CDCA7L: variants seen among roughly 807,000 people sequenced by gnomAD.
CDCA7L encodes the protein cell division cycle associated 7 like, also known as cell division cycle-associated 7-like protein.
In CDCA7L, 44 loss-of-function variants were observed where a neutral mutation model predicts 57.4. The observed-to-expected ratio is 0.77, with a 90% CI of 0.60 to 0.98. CDCA7L has a LOEUF of 0.98. Ranked by LOEUF, CDCA7L falls within the 50% of genes least tolerant of loss-of-function variation. CDCA7L has a pLI of 0.00. For missense variants in CDCA7L, 644 were observed against 580.6 expected (o/e 1.11, Z -1.12); for synonymous variants, 236 against 202.8 (o/e 1.16, Z -1.39).
rs762583196 is a variant in CDCA7L, at chr7:21,945,809, C to A, written c.-5G>T. On this transcript the variant is annotated 5_prime_UTR_variant, in exon 1 of 10. Coordinates refer to ENST00000406877, the MANE Select transcript of CDCA7L (RefSeq NM_018719.5). ...GTAGCGAGTCGCCAACTCCATTCTT[C>A]CTAACCGGGCTCCAGTCTCCTCCCA... 6.3e-6 allele frequency: 10 copies of A among 1,598,862 alleles called. No individual in the cohort carries two copies. The African/African-American group carries it at 9.6e-5, about 15-fold the overall frequency.
In CDCA7L at chr7:21,945,852, C is replaced by A. The variant is rs773780773; in HGVS notation, c.-48G>T. ...TCCTCCCAGCACGCGGCCACGGGAG[C>A]CCGGACTCACCACGGCCCGGCGCAC... On this transcript the variant is annotated 5_prime_UTR_variant, in exon 1 of 10. Transcript: ENST00000406877. The A allele has an allele frequency of 1.7e-5, 27 of 1,572,820 alleles. No individual in the cohort carries two copies. The highest frequency in any genetic ancestry group is 2.2e-5 in the Non-Finnish European group (25 of 1,161,702).
intron 3 of CDCA7L, among the ~76,000 whole-genome samples, chr7:21,910,697 G>A (rs1202687825): frequency 6.6e-6 from 1 of 152,164 alleles, no homozygotes; most frequent in Non-Finnish European, 1.5e-5. Context: ...AAACACGAGT[G>A]GGCAGTAAAC....
intron 1 of CDCA7L, among the ~76,000 whole-genome samples, chr7:21,936,013 GAATAAATA>G (rs56010183): frequency 6.6e-6 from 1 of 151,366 alleles, no homozygotes; most frequent in African/African-American, 2.4e-5. Flanking sequence ...GTCTCAAAAT[GAATAAATA>G]AATAAATAAA....
At chr7:21,905,266 T>C (rs763536068) in intron 7 of CDCA7L, among the ~76,000 whole-genome samples, 2 of 152,164 alleles carry the variant, frequency 1.3e-5, no homozygotes, top group Non-Finnish European at 2.9e-5. Flanking sequence ...TTTTAAACTA[T>C]ACCGTTCCCT....
rs180747357 is a variant in CDCA7L, at chr7:21,937,374, C to A, written c.24+8407G>T. On this transcript the variant is annotated intron_variant, in intron 1 of 9. Transcript: ENST00000406877. ...AACAGACCAGGCGCAGTGGCTCACA[C>A]CTGAAATCCTAGCACTTTGGGAGGC... is the stretch of plus-strand genomic sequence containing the variant. Among the ~76,000 whole-genome samples, 220 of 152,292 alleles carry A rather than the reference C, an allele frequency of 1.4e-3. 1 individual carries two copies. The highest frequency in any genetic ancestry group is 2.9e-3 in the Admixed American group (45 of 15,306).
Position 21,933,767 on chromosome 7 carries a change from G to A in CDCA7L, c.24+12014C>T, listed in dbSNP as rs113719327. 1.7e-3 allele frequency among the ~76,000 whole-genome samples: 252 copies of A among 151,590 alleles called. 2 individuals carry two copies. The highest frequency in any genetic ancestry group is 5.9e-3 in the African/African-American group (243 of 41,296). ...GTATACCTATGTAACAAACCTGCACGTTCTGCACATGCATCCCAGAACTTA... is the reference window on the plus strand; with the variant it reads ...GTATACCTATGTAACAAACCTGCACATTCTGCACATGCATCCCAGAACTTA... On this transcript the variant is annotated intron_variant, in intron 1 of 9. Coordinates refer to ENST00000406877, the MANE Select transcript of CDCA7L (RefSeq NM_018719.5).
chr7:21,920,489 C>G (rs377465707), intron 1 of CDCA7L, among the ~76,000 whole-genome samples: 5 of 152,282 alleles, frequency 3.3e-5, no homozygotes, highest in East Asian at 3.9e-4. Context: ...AACATAAATA[C>G]AGAAATGGGA....
At chr7:21,931,192 A>G (rs1785997997) in intron 1 of CDCA7L, among the ~76,000 whole-genome samples, 1 of 152,234 alleles carries the variant, frequency 6.6e-6, no homozygotes, top group African/African-American at 2.4e-5. Context: ...AAATTCTACC[A>G]GAGGTACAAA....
At chr7:21,920,236 C>G (rs1785609206) in intron 1 of CDCA7L, among the ~76,000 whole-genome samples, 1 of 152,088 alleles carries the variant, frequency 6.6e-6, no homozygotes, top group African/African-American at 2.4e-5. Flanking sequence ...CCTCATGGAC[C>G]CGTGAAAGGG....
Position 21,905,579 on chromosome 7 carries a change from A to G in CDCA7L, c.974T>C (p.Val325Ala). Residue 325 changes from valine (V) to alanine (A), a missense_variant, in exon 7 of 10, where the codon GTG becomes GCG. Val to Ala is a moderately conservative substitution (Grantham distance 64, BLOSUM62 0). Transcript: ENST00000406877. ...TAAGTCCTCTTCGGTGATATCCTCC[A>G]CTGGCCGAAAAGAAGATATACGGTG... ...RRHRISSFRP[V>A]EDITEEDLEN... 1.2e-6 allele frequency: 2 copies of G among 1,614,082 alleles called. No homozygotes were observed. The highest frequency in any genetic ancestry group is 1.7e-6 in the Non-Finnish European group (2 of 1,179,974).
In CDCA7L at chr7:21,908,095, T is replaced by C. The variant is rs558462313; in HGVS notation, c.681+35A>G. ...CCCAGCAACTGCTGCCAGAGCCTGGTGCCAACTCCCAGGACGCCCTCCGTG... is the reference window on the plus strand; with the variant it reads ...CCCAGCAACTGCTGCCAGAGCCTGGCGCCAACTCCCAGGACGCCCTCCGTG... On this transcript the variant is annotated intron_variant, in intron 4 of 9. Coordinates refer to ENST00000406877, the MANE Select transcript of CDCA7L (RefSeq NM_018719.5). 5.1e-5 allele frequency: 76 copies of C among 1,492,700 alleles called. No individual in the cohort carries two copies. The South Asian group carries it at 1.0e-3, about 20-fold the overall frequency. The allele number at this position is 1,492,700 out of a possible 1,614,324, so 92.5% of individuals were successfully genotyped here.
intron 1 of CDCA7L, among the ~76,000 whole-genome samples, chr7:21,929,355 CAAATTAT>C (rs1785925001): frequency 6.6e-6 from 1 of 152,004 alleles, no homozygotes; most frequent in Admixed American, 6.6e-5. Flanking sequence ...AAAAACATAC[CAAATTAT>C]AAACACCACT....
intron 2 of CDCA7L, among the ~76,000 whole-genome samples, chr7:21,916,193 G>C (rs1785475638): frequency 6.6e-6 from 1 of 152,056 alleles, no homozygotes. Context: ...GCCACTGAAG[G>C]GTAGAGATTT....
intron 1 of CDCA7L, among the ~76,000 whole-genome samples, chr7:21,929,019 T>G (rs752243540): frequency 1.3e-5 from 2 of 151,608 alleles, no homozygotes; most frequent in Non-Finnish European, 1.5e-5. Context: ...TTCAGCAAGA[T>G]TGAAATGAAG....
chr7:21,939,666 G>A (rs778934921), intron 1 of CDCA7L, among the ~76,000 whole-genome samples: 5 of 152,292 alleles, frequency 3.3e-5, no homozygotes, highest in Non-Finnish European at 5.9e-5. Flanking sequence ...TGCAACTGAC[G>A]TTTTGGACAG....
intron 7 of CDCA7L, among the ~76,000 whole-genome samples, 197 bp downstream of exon 7, chr7:21,905,309 C>A (rs763319404): frequency 6.6e-6 from 1 of 152,036 alleles, no homozygotes; most frequent in African/African-American, 2.4e-5. Flanking sequence ...TAAGAGAGAC[C>A]GCCGTCCAGA....
At chr7:21,944,760 C>T (rs1786461061) in intron 1 of CDCA7L, 2 of 152,138 alleles carry the variant, frequency 1.3e-5, no homozygotes, top group South Asian at 4.1e-4. Flanking sequence ...CGCCTTCCAA[C>T]GCTGGCGGCC....
intron 1 of CDCA7L, among the ~76,000 whole-genome samples, chr7:21,936,930 AAAG>A (rs1562637386): frequency 6.6e-6 from 1 of 152,236 alleles, no homozygotes; most frequent in Admixed American, 6.5e-5. Context: ...GATTACACAA[AAAG>A]TAGTTAGAGC....
At chr7:21,919,082 T>G (rs1435548674) in intron 1 of CDCA7L, among the ~76,000 whole-genome samples, 5 of 152,196 alleles carry the variant, frequency 3.3e-5, no homozygotes, top group Admixed American at 2.0e-4. Flanking sequence ...CCTCCCAAAG[T>G]GCTGGGATTA....
Sources: allele counts gnomAD v4.1 joint callset (sites outside exome capture counted in the v4.1 genomes callset), GRCh38; gene constraint gnomAD v4.1.1; transcripts MANE v1.5; gene names NCBI Gene and HGNC (gene_info 2026-07-23, HGNC 2026-07-21).